The following CSNK1A1 variants were observed in gnomAD, a reference collection of about 807,000 sequenced individuals.
CSNK1A1 encodes casein kinase 1 alpha 1, also known as casein kinase I isoform alpha.
CSNK1A1 carries 7 observed loss-of-function variants against 46.1 expected under a neutral mutation model. The ratio of observed to expected loss-of-function variants is 0.15; its 90% CI spans 0.09 to 0.29. The LOEUF (loss-of-function observed/expected upper bound fraction) is 0.29, where lower values mean the gene tolerates loss of function less well. Ranked by LOEUF, CSNK1A1 falls within the 10% of genes least tolerant of loss-of-function variation. The pLI is 1.00. For synonymous variants in CSNK1A1, 137 were observed against 141.5 expected, an observed-to-expected ratio of 0.97 and a Z score of 0.23; for missense variants, 96 against 417.1, an observed-to-expected ratio of 0.23 and a Z score of 6.71.
chr5:149,532,497 ACT>A (rs1185513385), intron 2 of CSNK1A1, among the ~76,000 whole-genome samples: 1 of 151,920 alleles, frequency 6.6e-6, no homozygotes, highest in Admixed American at 6.6e-5. Flanking sequence ...GTTTGAGACC[ACT>A]CTGGCCAACA....
rs958534028 is a variant in CSNK1A1 at position 149,494,448 on chromosome 5, G to C, written c.*2405C>G. Reference sequence around the variant, plus strand: ...TTTTAAAAAAACTGCACCCCCCAATGGGTGAACAAAGTAAAGAGTAGTAAC... The same window carrying C: ...TTTTAAAAAAACTGCACCCCCCAATCGGTGAACAAAGTAAAGAGTAGTAAC... On this transcript the variant is annotated 3_prime_UTR_variant, in exon 10 of 10. Transcript: ENST00000377843. 2 of 152,156 alleles carry C rather than the reference G, an allele frequency of 1.3e-5. No individual in the cohort carries two copies. Among genetic ancestry groups the C allele is most frequent in the Non-Finnish European group, 2.9e-5 (2 of 68,036 alleles). 9.4% of individuals were successfully genotyped at this position (152,156 alleles called of 1,614,324 possible). A position where few individuals can be genotyped will look rare whatever the true frequency, so the allele number is the denominator to read the frequency against.
At chr5:149,538,108 C>T (rs557607948) in intron 2 of CSNK1A1, among the ~76,000 whole-genome samples, 2 of 149,728 alleles carry the variant, frequency 1.3e-5, no homozygotes, top group African/African-American at 2.5e-5. Context: ...CTGCAACCTC[C>T]GCCTCCCAGG....
intron 2 of CSNK1A1, among the ~76,000 whole-genome samples, chr5:149,528,301 T>A (rs1333936540): frequency 2.0e-5 from 3 of 152,232 alleles, no homozygotes; most frequent in African/African-American, 7.2e-5. Flanking sequence ...CATTTTACCT[T>A]GTGGAGCAAC....
intron 6 of CSNK1A1, among the ~76,000 whole-genome samples, chr5:149,510,934 C>CT (rs1197241968): frequency 6.6e-6 from 1 of 152,166 alleles, no homozygotes; most frequent in Non-Finnish European, 1.5e-5. Flanking sequence ...TTAGATAAAG[C>CT]TACCCACCCA....
intron 2 of CSNK1A1, among the ~76,000 whole-genome samples, chr5:149,537,220 A>G (rs1202804283): frequency 6.6e-6 from 1 of 152,060 alleles, no homozygotes; most frequent in Admixed American, 6.6e-5. Flanking sequence ...TACTAAAAAT[A>G]CAAAAATTAG....
chr5:149,503,552 T>TC, intron 9 of CSNK1A1: 1 of 984,860 alleles, frequency 1.0e-6, no homozygotes, highest in Non-Finnish European at 1.2e-6. Flanking sequence ...GACCATTGTC[T>TC]CTAATGTCAC....
At chr5:149,524,890 T>C (rs1225967017) in intron 3 of CSNK1A1, among the ~76,000 whole-genome samples, 155 bp downstream of exon 3, 1 of 152,174 alleles carries the variant, frequency 6.6e-6, no homozygotes, top group Admixed American at 6.5e-5. Flanking sequence ...CTTATTCCCA[T>C]AGGAAAATAT....
rs999642386 is a variant in CSNK1A1, at chr5:149,550,828, C to T, written c.123+14G>A. The stretch of plus-strand genomic sequence containing the variant: ...AAGCGCAGCGTTATCGTGAACCCCA[C>T]CCCAGATGATTACCTCGCCGTTGGT... On this transcript the variant is annotated intron_variant, in intron 1 of 9. Coordinates refer to ENST00000377843, the MANE Select transcript of CSNK1A1 (RefSeq NM_001892.6). This position sits in a 1 kb window ranked among gnomAD's most constrained non-coding sequence, Gnocchi z 4.3. 9.3e-6 allele frequency: 15 copies of T among 1,613,782 alleles called. No homozygotes were observed. Among genetic ancestry groups the T allele is most frequent in the Non-Finnish European group, 1.3e-5 (15 of 1,179,834 alleles).
chr5:149,505,186 AT>A (rs2113066461), intron 9 of CSNK1A1: 5 of 1,111,546 alleles, frequency 4.5e-6, no homozygotes, highest in East Asian at 5.1e-5. Flanking sequence ...TGTTAAAAAA[AT>A]GACCCAAAAT....
At chr5:149,530,016 A>T (rs1160938341) in intron 2 of CSNK1A1, among the ~76,000 whole-genome samples, 1 of 152,226 alleles carries the variant, frequency 6.6e-6, no homozygotes, top group African/African-American at 2.4e-5. Flanking sequence ...TCCAGAATAA[A>T]TCAGTGTAAT....
intron 2 of CSNK1A1, among the ~76,000 whole-genome samples, chr5:149,539,613 A>T (rs1762170325): frequency 6.6e-6 from 1 of 150,664 alleles, no homozygotes; most frequent in Non-Finnish European, 1.5e-5. Flanking sequence ...AATAACAATT[A>T]TTAATTGTTA....
At chr5:149,530,533 C>G (rs1761860031) in intron 2 of CSNK1A1, among the ~76,000 whole-genome samples, 1 of 152,200 alleles carries the variant, frequency 6.6e-6, no homozygotes. Flanking sequence ...GTCTCTCAAA[C>G]TTAGTCTCTT....
intron 9 of CSNK1A1, chr5:149,499,067 C>T: frequency 8.1e-6 from 8 of 985,408 alleles, no homozygotes; most frequent in Non-Finnish European, 9.6e-6. Context: ...CAACATTTCT[C>T]CAGTGAATTG....
chr5:149,540,430 G>A (rs1437012264), intron 2 of CSNK1A1, among the ~76,000 whole-genome samples: 5 of 152,050 alleles, frequency 3.3e-5, no homozygotes, highest in Non-Finnish European at 7.4e-5. Flanking sequence ...TTCTTCAAAG[G>A]AGAGCAAGGT....
intron 4 of CSNK1A1, among the ~76,000 whole-genome samples, chr5:149,516,183 G>C (rs1474895788): frequency 6.6e-6 from 1 of 152,112 alleles, no homozygotes; most frequent in African/African-American, 2.4e-5. Context: ...AGCCGGGCAT[G>C]GTGGCGCATA....
chr5:149,511,259 A>G (rs1378641477), intron 6 of CSNK1A1, among the ~76,000 whole-genome samples: 1 of 152,148 alleles, frequency 6.6e-6, no homozygotes, highest in African/African-American at 2.4e-5. Flanking sequence ...TGAGCCCAGG[A>G]GGTTCAGGCT....
intron 2 of CSNK1A1, among the ~76,000 whole-genome samples, chr5:149,541,327 AT>A (rs1454095678): frequency 1.3e-5 from 2 of 151,498 alleles, no homozygotes; most frequent in African/African-American, 4.8e-5. Context: ...TAATTTTTGT[AT>A]TTTTAGTAGA....
chr5:149,503,298 A>T, intron 9 of CSNK1A1: 2 of 985,406 alleles, frequency 2.0e-6, no homozygotes, highest in South Asian at 9.4e-5. Flanking sequence ...CTACATTTTC[A>T]TGGTTTATGA....
chr5:149,502,189 A>G, intron 9 of CSNK1A1: 4 of 951,908 alleles, frequency 4.2e-6, no homozygotes, highest in Non-Finnish European at 5.0e-6. Flanking sequence ...ATTTTTCAAA[A>G]ATTACCATAT....
Sources: allele counts gnomAD v4.1 joint callset (sites outside exome capture counted in the v4.1 genomes callset), GRCh38; gene constraint gnomAD v4.1.1; non-coding constraint Gnocchi (gnomAD v3.1); transcripts MANE v1.5; gene names NCBI Gene and HGNC (gene_info 2026-07-23, HGNC 2026-07-21).